The following STRN4 variants were observed in gnomAD, a reference collection of about 807,000 sequenced individuals.
The protein encoded by STRN4 is striatin 4, also known as striatin-4.
STRN4 carries 27 observed loss-of-function variants against 77.9 expected under a neutral mutation model. The observed-to-expected ratio is 0.35, with a 90% CI of 0.26 to 0.48. STRN4 has a LOEUF of 0.48. Ranked by LOEUF, STRN4 falls within the 20% of genes least tolerant of loss-of-function variation. The pLI is 0.99. For missense variants in STRN4, 798 were observed against 1,049.7 expected (o/e 0.76, Z 3.31); for synonymous variants, 466 against 443.1 (o/e 1.05, Z -0.65).
intron 1 of STRN4, among the ~76,000 whole-genome samples, chr19:46,739,672 C>A (rs1489134762): frequency 1.3e-5 from 2 of 152,232 alleles, no homozygotes; most frequent in Non-Finnish European, 2.9e-5. Context: ...TGGCTTCTCC[C>A]CAAGCACCCC....
At position 46,728,886 on chromosome 19, in the gene STRN4, T is replaced by C. The variant is rs2054185854; in HGVS notation, c.880-109A>G. On this transcript the variant is annotated intron_variant, in intron 6 of 17. Transcript: ENST00000263280. ...GGGGCTCTGGGCCCGTTTCTGTTCATGGGGCTGCCTCAGCCGCCAGCCAGC... is the reference window on the plus strand; with the variant it reads ...GGGGCTCTGGGCCCGTTTCTGTTCACGGGGCTGCCTCAGCCGCCAGCCAGC... 7 of 1,475,286 alleles carry C rather than the reference T, an allele frequency of 4.7e-6. No homozygotes were observed. In the East Asian group the frequency reaches 9.3e-5, roughly 20 times the overall value. 91.4% of individuals were successfully genotyped at this position (1,475,286 alleles called of 1,614,324 possible).
In STRN4 at chr19:46,738,712, G is replaced by A. The variant is rs2054417259; in HGVS notation, c.386+73C>T. The A allele has an allele frequency of 6.1e-5, 86 of 1,406,398 alleles. No homozygotes were observed. The South Asian group carries it at 8.0e-4, about 13-fold the overall frequency. 87.1% of individuals were successfully genotyped at this position (1,406,398 alleles called of 1,614,324 possible). A position where few individuals can be genotyped will look rare whatever the true frequency, so the allele number is the denominator to read the frequency against. On this transcript the variant is annotated intron_variant, in intron 2 of 17. Coordinates refer to ENST00000263280, the MANE Select transcript of STRN4 (RefSeq NM_013403.3). The surrounding 1 kb of genome is among the most constrained non-coding windows in gnomAD (Gnocchi z 4.5). ...AAATCTCCCTTAGCTGGAAGGAGGC[G>A]TGGCTGGTGGCCTCCTGACACTGTG...
Position 46,725,119 on chromosome 19 carries a change from T to G in STRN4, c.1473-191A>C, listed in dbSNP as rs951016774. On this transcript the variant is annotated intron_variant, in intron 11 of 17. Coordinates refer to ENST00000263280, the MANE Select transcript of STRN4 (RefSeq NM_013403.3). ...CCCACCCCACCTCCATCTCCTCCCCTGAAGGGCTGTGCTGAGTACCAGCTG... is the reference window on the plus strand; with the variant it reads ...CCCACCCCACCTCCATCTCCTCCCCGGAAGGGCTGTGCTGAGTACCAGCTG... 2.2e-5 allele frequency among the ~76,000 whole-genome samples: 3 copies of G among 136,326 alleles called. No individual in the cohort carries two copies. The East Asian group carries it at 7.6e-4, about 35-fold the overall frequency. 89.4% of individuals were successfully genotyped at this position (136,326 alleles called of 152,430 possible).
intron 5 of STRN4, 143 bp from the exon 6 acceptor site, chr19:46,731,016 C>T: frequency 8.8e-7 from 1 of 1,132,278 alleles, no homozygotes; most frequent in Non-Finnish European, 1.2e-6. Context: ...TCTGGTCACA[C>T]ACAGAGCCCC....
intron 1 of STRN4, chr19:46,739,651 A>C (rs1224746218): frequency 6.5e-6 from 1 of 153,138 alleles, no homozygotes; most frequent in Non-Finnish European, 1.5e-5. Context: ...CCCTGGCCCA[A>C]GGCTCATCTC....
At chr19:46,746,115 G>A in intron 1 of STRN4, 34 bp downstream of exon 1, 3 of 1,466,668 alleles carry the variant, frequency 2.0e-6, no homozygotes, top group Non-Finnish European at 1.8e-6. Context: ...GGCCGGGCCG[G>A]GTTGGGGGTC....
chr19:46,730,065 G>A (rs1303558909), intron 6 of STRN4, among the ~76,000 whole-genome samples: 1 of 152,230 alleles, frequency 6.6e-6, no homozygotes, highest in African/African-American at 2.4e-5. Context: ...GGAATGGGTG[G>A]AGGGGTGGAA....
chr19:46,736,044 C>G (rs1168538082), intron 4 of STRN4: 3 of 152,074 alleles, frequency 2.0e-5, no homozygotes, highest in Non-Finnish European at 4.4e-5. Flanking sequence ...GAGGCCGAGG[C>G]AGGCGGATCA....
In STRN4 at chr19:46,724,893, C is replaced by T. The variant is rs780512067; in HGVS notation, c.1508G>A (p.Ser503Asn). 15 of 1,614,086 alleles carry T rather than the reference C, an allele frequency of 9.3e-6. No homozygotes were observed. Among genetic ancestry groups the T allele is most frequent in the Middle Eastern group, 1.6e-4 (1 of 6,062 alleles). The change falls in exon 12 of 18, where the codon AGT (serine) becomes AAT (asparagine). Residue 503 changes from serine (S) to asparagine (N), a missense_variant. Around this residue, in one of 2 missense-constraint regions of STRN4, gnomAD observed 287 missense variants for 473.8 expected, o/e 0.61. Coordinates refer to ENST00000263280, the MANE Select transcript of STRN4 (RefSeq NM_013403.3). ...PVLAVAMGSN[S>N]EYCYSGGADA... is the part of the protein sequence containing the mutation. ...TGCCCCGCCACTGTAGCAGTATTCA[C>T]TGTTGCTGCCCATAGCCACAGCCAA...
Position 46,719,642 on chromosome 19 carries a change from G to T in STRN4, c.*763C>A, listed in dbSNP as rs2053929524. On this transcript the variant is annotated 3_prime_UTR_variant, in exon 18 of 18. Coordinates refer to ENST00000263280, the MANE Select transcript of STRN4 (RefSeq NM_013403.3). ...ACCAAACAAGAGAGTGAAATAAATA[G>T]AGGGAAAGAGTGGAGACAGGGAGGA... 6.6e-6 allele frequency: 1 copy of T among 152,622 alleles called. No homozygotes were observed. 9.5% of individuals were successfully genotyped at this position (152,622 alleles called of 1,614,324 possible).
chr19:46,738,289 C>A lies in STRN4; in HGVS notation c.387-52G>T. 1 of 1,519,536 alleles carries A rather than the reference C, an allele frequency of 6.6e-7. No homozygotes were observed. The highest frequency in any genetic ancestry group is 9.1e-7 in the Non-Finnish European group (1 of 1,094,756). The allele number at this position is 1,519,536 out of a possible 1,614,324, so 94.1% of individuals were successfully genotyped here. On this transcript the variant is annotated intron_variant, in intron 2 of 17. Coordinates refer to ENST00000263280, the MANE Select transcript of STRN4 (RefSeq NM_013403.3). This position sits in a 1 kb window ranked among gnomAD's most constrained non-coding sequence, Gnocchi z 4.5. ...AGAGATGCGGGAGAGTAGACAGGGTCAGTAGTTACCTAAGGAATCCAGAAT... is the reference window on the plus strand; with the variant it reads ...AGAGATGCGGGAGAGTAGACAGGGTAAGTAGTTACCTAAGGAATCCAGAAT...
rs930486424 is a variant in STRN4, at chr19:46,723,721, C to G, written c.1595-437G>C. Among the ~76,000 whole-genome samples the G allele has an allele frequency of 1.3e-5, 2 of 152,176 alleles. No homozygotes were observed. The highest frequency in any genetic ancestry group is 6.5e-5 in the Admixed American group (1 of 15,278). On this transcript the variant is annotated intron_variant, in intron 12 of 17. Transcript: ENST00000263280. This position sits in a 1 kb window ranked among gnomAD's most constrained non-coding sequence, Gnocchi z 5.5. Reference sequence around the variant, plus strand: ...GCCAAGTGCATGGGCTTTGCCTGGTCTCTCCAAAGCCCCCTGGTCATTCAG... The same window carrying G: ...GCCAAGTGCATGGGCTTTGCCTGGTGTCTCCAAAGCCCCCTGGTCATTCAG...
chr19:46,734,765 C>T (rs551333741), intron 4 of STRN4, among the ~76,000 whole-genome samples: 93 of 152,184 alleles, frequency 6.1e-4, no homozygotes, highest in Admixed American at 2.6e-3. Context: ...CCCGGGTTCA[C>T]GCCATTCTCC....
At chr19:46,739,377 G>A (rs775624539) in intron 1 of STRN4, 9 of 167,740 alleles carry the variant, frequency 5.4e-5, no homozygotes, top group South Asian at 1.5e-4. Context: ...TGGGTGGCTC[G>A]GCTCGGCTCC....
At chr19:46,722,735 C>T (rs1315711178) in intron 14 of STRN4, 75 bp downstream of exon 14, 3 of 1,582,810 alleles carry the variant, frequency 1.9e-6, no homozygotes, top group Non-Finnish European at 1.7e-6. Context: ...GACAAGGGGT[C>T]GCCAAAGCCC....
chr19:46,739,153 C>G (rs893617678), intron 1 of STRN4, among the ~76,000 whole-genome samples: 2 of 152,218 alleles, frequency 1.3e-5, no homozygotes, highest in African/African-American at 4.8e-5. Context: ...ATGGGGCCAG[C>G]CTGGGCCTCA....
intron 4 of STRN4, among the ~76,000 whole-genome samples, chr19:46,735,622 A>G (rs959936488): frequency 6.6e-6 from 1 of 152,302 alleles, no homozygotes; most frequent in Middle Eastern, 3.4e-3. Context: ...CTGCTCTCCT[A>G]TATTTTCTAA....
intron 3 of STRN4, among the ~76,000 whole-genome samples, 200 bp from the exon 4 acceptor site, chr19:46,737,101 C>T (rs2054382020): frequency 6.6e-6 from 1 of 152,204 alleles, no homozygotes; most frequent in South Asian, 2.1e-4. Flanking sequence ...CTCTAGGTCT[C>T]CTGACTGGTG....
chr19:46,725,041 T>C (rs2122240492), intron 11 of STRN4, 113 bp from the exon 12 acceptor site: 1 of 1,486,956 alleles, frequency 6.7e-7, no homozygotes, highest in Non-Finnish European at 9.1e-7. Context: ...AGGAATTCAG[T>C]GACTGGGGCT....
Sources: gnomAD v4.1 joint callset for allele counts (sites outside exome capture counted in the v4.1 genomes callset) on GRCh38, gnomAD v4.1.1 for gene constraint, gnomAD v4.1.1 regional missense constraint, Gnocchi (gnomAD v3.1) non-coding constraint, MANE v1.5 for transcripts, NCBI Gene and HGNC (gene_info 2026-07-23, HGNC 2026-07-21) for gene names.